DGKB: variants seen among roughly 807,000 people sequenced by gnomAD.
DGKB encodes the protein 90 kDa diacylglycerol kinase.
DGKB carries 67 observed loss-of-function variants against 114.3 expected under a neutral mutation model. The observed-to-expected ratio is 0.59, with a 90% CI of 0.48 to 0.72. DGKB has a LOEUF of 0.72. Ranked by LOEUF, DGKB falls within the 30% of genes least tolerant of loss-of-function variation. DGKB has a pLI of 0.00. For synonymous variants in DGKB, 398 were observed against 323.1 expected, an observed-to-expected ratio of 1.23 and a Z score of -2.49; for missense variants, 907 against 975.2, an observed-to-expected ratio of 0.93 and a Z score of 0.93.
At chr7:14,840,936 C>G (rs563422061) in intron 2 of DGKB, among the ~76,000 whole-genome samples, 12 of 152,192 alleles carry the variant, frequency 7.9e-5, no homozygotes, top group African/African-American at 2.9e-4. Context: ...TCTATTACAG[C>G]TAGAGTGTTT....
At chr7:14,847,586 G>A (rs1035233125) in intron 1 of DGKB, among the ~76,000 whole-genome samples, 2 of 152,236 alleles carry the variant, frequency 1.3e-5, no homozygotes, top group East Asian at 3.8e-4. Context: ...GTAGTGTTAT[G>A]CTAAACAGAT....
At position 14,338,684 on chromosome 7, in the gene DGKB, T is replaced by A; in HGVS notation, c.1953A>T (p.Ile651=). The A allele has an allele frequency of 6.3e-7, 1 of 1,586,262 alleles. No individual in the cohort carries two copies. Among genetic ancestry groups the A allele is most frequent in the Non-Finnish European group, 8.6e-7 (1 of 1,166,038 alleles). ...IECDGVQIDL[I]NISLEGIAIL... ...TAGCAATTCCTTCCAGAGAGATGTTTATTAAATCTATCTGTACTCCATCAC... is the reference window on the plus strand; with the variant it reads ...TAGCAATTCCTTCCAGAGAGATGTTAATTAAATCTATCTGTACTCCATCAC... The change falls in exon 23 of 26, where the codon ATA becomes ATT. Residue 651 remains isoleucine, a synonymous_variant. Coordinates refer to ENST00000402815, the MANE Select transcript of DGKB (RefSeq NM_001350709.2).
rs1366383668 is a variant in DGKB, at chr7:14,621,624, A to G, written c.1168-130T>C. The G allele has an allele frequency of 2.7e-5, 16 of 596,572 alleles. No individual in the cohort carries two copies. In the Admixed American group the frequency reaches 4.8e-4, roughly 18 times the overall value. The allele number at this position is 596,572 out of a possible 1,614,324, so 37.0% of individuals were successfully genotyped here. A position where few individuals can be genotyped will look rare whatever the true frequency, so the allele number is the denominator to read the frequency against. ...CTCAACTTTCTAATTTGAAGTTCCT[A>G]GTGAATAATATGAAAGCTGTTGTTT... On this transcript the variant is annotated intron_variant, in intron 14 of 25. Coordinates refer to ENST00000402815, the MANE Select transcript of DGKB (RefSeq NM_001350709.2).
chr7:14,246,604 G>A (rs1368898825), intron 23 of DGKB, among the ~76,000 whole-genome samples: 4 of 152,212 alleles, frequency 2.6e-5, no homozygotes, highest in African/African-American at 9.6e-5. Flanking sequence ...TGTTGTTGTT[G>A]TTGGCTAAGA....
rs184199189 is a variant in DGKB, at chr7:14,431,779, T to C, written c.1835+46382A>G. Among the ~76,000 whole-genome samples the C allele has an allele frequency of 3.9e-5, 6 of 152,262 alleles. No homozygotes were observed. In the East Asian group the frequency reaches 1.2e-3, roughly 29 times the overall value. ...AGAACTGATACATTCTTGAGAAAGA[T>C]GTATATATTGATTCATATGAGATTT... On this transcript the variant is annotated intron_variant, in intron 21 of 25. Transcript: ENST00000402815.
intron 2 of DGKB, among the ~76,000 whole-genome samples, chr7:14,840,546 G>A (rs1432515875): frequency 1.3e-5 from 2 of 152,074 alleles, no homozygotes; most frequent in African/African-American, 4.8e-5. Flanking sequence ...AAAACTTACA[G>A]TGAAGTGAAT....
At chr7:14,308,121 T>C (rs1368576547) in intron 23 of DGKB, among the ~76,000 whole-genome samples, 1 of 152,222 alleles carries the variant, frequency 6.6e-6, no homozygotes, top group Non-Finnish European at 1.5e-5. Context: ...ACTTCAAGAA[T>C]GTATATATTT....
At chr7:14,713,422 CA>C (rs1827682958) in intron 6 of DGKB, among the ~76,000 whole-genome samples, 1 of 122,822 alleles carries the variant, frequency 8.1e-6, no homozygotes, top group African/African-American at 2.5e-5. Context: ...ACTTTAAAAG[CA>C]GAGGTGAAAA....
intron 21 of DGKB, among the ~76,000 whole-genome samples, chr7:14,407,666 AAG>A (rs1451571307): frequency 2.6e-5 from 4 of 152,128 alleles, no homozygotes; most frequent in African/African-American, 9.7e-5. Context: ...TGAAATTAAT[AAG>A]AGGTTTTTCT....
intron 18 of DGKB, 98 bp from the exon 19 acceptor site, chr7:14,581,049 C>T (rs555646506): frequency 3.0e-6 from 2 of 669,450 alleles, no homozygotes; most frequent in Non-Finnish European, 4.9e-6. Context: ...GAAGGAATTC[C>T]AATAGGTACT....
intron 2 of DGKB, among the ~76,000 whole-genome samples, chr7:14,791,504 C>G (rs2215432): frequency 0.36 from 55,373 of 151,738 alleles, 11,629 homozygotes; most frequent in African/African-American, 0.59. Context: ...CCAATGTTTG[C>G]AGAAAAGCCT....
At chr7:14,630,374 T>C (rs1809465014) in intron 13 of DGKB, 106 bp from the exon 14 acceptor site, 1 of 688,248 alleles carries the variant, frequency 1.5e-6, no homozygotes, top group Non-Finnish European at 2.3e-6. Flanking sequence ...AATGAGTAAA[T>C]TAAAAATACA....
chr7:14,954,534 C>T (rs947252902), intron 1 of DGKB, among the ~76,000 whole-genome samples: 2 of 151,778 alleles, frequency 1.3e-5, no homozygotes, highest in African/African-American at 4.8e-5. Flanking sequence ...AAAATAAACT[C>T]GAAAGAAACC....
chr7:14,181,890 C>T (rs1049898250), intron 23 of DGKB, among the ~76,000 whole-genome samples: 1 of 152,132 alleles, frequency 6.6e-6, no homozygotes, highest in African/African-American at 2.4e-5. Flanking sequence ...GGTATTTTCA[C>T]ATTTAAAACA....
At position 14,949,457 on chromosome 7, in the gene DGKB, T is replaced by C. The variant is rs1031725832; in HGVS notation, c.-188+25239A>G. 2.0e-5 allele frequency among the ~76,000 whole-genome samples: 3 copies of C among 151,908 alleles called. No homozygotes were observed. In the Admixed American group the frequency reaches 2.0e-4, roughly 10 times the overall value. On this transcript the variant is annotated intron_variant, in intron 1 of 4. Coordinates refer to the DGKB transcript ENST00000437998. ...TTGTAAACATAATGCAGAAACATTA[T>C]AGTCAAAAAATAAAGAGGAAAAAGA...
At chr7:14,192,310 T>C (rs1395545523) in intron 23 of DGKB, among the ~76,000 whole-genome samples, 3 of 152,162 alleles carry the variant, frequency 2.0e-5, no homozygotes. Flanking sequence ...AGCATGTCCA[T>C]AGGATAATAG....
At chr7:14,275,553 T>C (rs1288084611) in intron 23 of DGKB, among the ~76,000 whole-genome samples, 3 of 152,160 alleles carry the variant, frequency 2.0e-5, no homozygotes, top group African/African-American at 7.2e-5. Context: ...ATGAGTCAAA[T>C]AGTGGTCATG....
intron 21 of DGKB, among the ~76,000 whole-genome samples, chr7:14,412,460 T>C (rs1414152989): frequency 6.6e-6 from 1 of 151,960 alleles, no homozygotes; most frequent in Non-Finnish European, 1.5e-5. Flanking sequence ...GTGCAAGACA[T>C]ACATAGCAAA....
chr7:14,764,706 A>G (rs986692943), intron 2 of DGKB, among the ~76,000 whole-genome samples: 1 of 151,760 alleles, frequency 6.6e-6, no homozygotes, highest in Non-Finnish European at 1.5e-5. Flanking sequence ...AAATTTTCCT[A>G]TGTATGAATA....
Sources: allele counts gnomAD v4.1 joint callset (sites outside exome capture counted in the v4.1 genomes callset), GRCh38; gene constraint gnomAD v4.1.1; transcripts MANE v1.5; gene names NCBI Gene and HGNC (gene_info 2026-07-23, HGNC 2026-07-21).